The following MAP2 variants were observed in gnomAD, a reference collection of about 807,000 sequenced individuals.
MAP2 encodes the protein microtubule associated protein 2.
In MAP2, 14 loss-of-function variants were observed where a neutral mutation model predicts 137.6. The observed-to-expected ratio is 0.10, with a 90% CI of 0.07 to 0.16. MAP2 has a LOEUF of 0.16. Among genes scored for constraint, MAP2 ranks in the 10% least tolerant of loss-of-function variants. The pLI, the probability that MAP2 is intolerant of heterozygous loss-of-function variation, is 1.00. For missense variants in MAP2, 2,088 were observed against 2,191.5 expected (o/e 0.95, Z 0.94); for synonymous variants, 786 against 782.3 (o/e 1.00, Z -0.08).
chr2:209,649,090 G>A (rs1045318149), intron 4 of MAP2, among the ~76,000 whole-genome samples: 1 of 152,020 alleles, frequency 6.6e-6, no homozygotes, highest in African/African-American at 2.4e-5. Context: ...GTTGAGTGCT[G>A]TGGCATAATC....
At chr2:209,472,431 C>T (rs1705989512) in intron 1 of MAP2, among the ~76,000 whole-genome samples, 1 of 152,124 alleles carries the variant, frequency 6.6e-6, no homozygotes, top group Non-Finnish European at 1.5e-5. Flanking sequence ...TCATTTCCAC[C>T]AGAGTTCTGA....
intron 2 of MAP2, among the ~76,000 whole-genome samples, chr2:209,562,299 G>A (rs2072301518): frequency 6.6e-6 from 1 of 151,810 alleles, no homozygotes; most frequent in Admixed American, 6.6e-5. Flanking sequence ...ATTTCCTCTG[G>A]GCATCTTGTA....
intron 2 of MAP2, among the ~76,000 whole-genome samples, chr2:209,552,818 G>T (rs568224064): frequency 6.6e-6 from 1 of 151,848 alleles, no homozygotes; most frequent in Non-Finnish European, 1.5e-5. Context: ...CCAAGATCGC[G>T]CCACTGCACT....
At chr2:209,586,200 T>C (rs533743662) in intron 3 of MAP2, among the ~76,000 whole-genome samples, 2 of 152,240 alleles carry the variant, frequency 1.3e-5, no homozygotes, top group South Asian at 4.2e-4. Flanking sequence ...CAGTGCGCTT[T>C]TGCTGCTTAT....
intron 2 of MAP2, among the ~76,000 whole-genome samples, chr2:209,511,577 GA>G (rs1419540098): frequency 2.6e-5 from 4 of 151,890 alleles, no homozygotes; most frequent in Non-Finnish European, 5.9e-5. Context: ...GATTTCCTAT[GA>G]TTTTTTTTGA....
At chr2:209,608,213 A>G (rs964741772) in intron 3 of MAP2, among the ~76,000 whole-genome samples, 14 of 152,210 alleles carry the variant, frequency 9.2e-5, no homozygotes, top group African/African-American at 3.1e-4. Flanking sequence ...AATACTGTCC[A>G]AAACCTGAAA....
At chr2:209,445,983 C>G (rs1454815227) in intron 1 of MAP2, among the ~76,000 whole-genome samples, 1 of 151,586 alleles carries the variant, frequency 6.6e-6, no homozygotes, top group Middle Eastern at 3.2e-3. Context: ...AATGATCCAT[C>G]ACAAGATTTA....
chr2:209,480,623 G>C (rs888578489), intron 1 of MAP2, among the ~76,000 whole-genome samples: 1 of 152,140 alleles, frequency 6.6e-6, no homozygotes, highest in African/African-American at 2.4e-5. Flanking sequence ...ACATGATGCT[G>C]CTTTATGTAT....
intron 1 of MAP2, among the ~76,000 whole-genome samples, chr2:209,447,325 A>G (rs537808338): frequency 2.2e-4 from 34 of 152,082 alleles, no homozygotes; most frequent in South Asian, 2.1e-3. Flanking sequence ...ACCAAATATT[A>G]TCCTACCTTG....
chr2:209,512,185 G>A (rs577785759), intron 2 of MAP2, among the ~76,000 whole-genome samples: 1 of 152,086 alleles, frequency 6.6e-6, no homozygotes, highest in African/African-American at 2.4e-5. Flanking sequence ...GTAACTTTTA[G>A]TCCACTTTTA....
chr2:209,710,300 C>A, intron 13 of MAP2, 46 bp downstream of exon 13: 2 of 1,430,532 alleles, frequency 1.4e-6, no homozygotes, highest in African/African-American at 1.4e-5. Flanking sequence ...ATAATTATTA[C>A]ATTGCCTTCT....
chr2:209,584,290 C>G (rs1486821606), intron 3 of MAP2, among the ~76,000 whole-genome samples: 3 of 151,934 alleles, frequency 2.0e-5, no homozygotes, highest in Non-Finnish European at 2.9e-5. Flanking sequence ...AAGGGGGAGA[C>G]AACGTATGGA....
At chr2:209,631,212 G>T (rs939847253) in intron 4 of MAP2, among the ~76,000 whole-genome samples, 2 of 151,948 alleles carry the variant, frequency 1.3e-5, no homozygotes, top group African/African-American at 4.8e-5. Context: ...TGTCTGTCCT[G>T]TCCCTTTGAT....
chr2:209,697,912 G>A (rs761230505), intron 10 of MAP2, among the ~76,000 whole-genome samples: 1 of 151,934 alleles, frequency 6.6e-6, no homozygotes, highest in Non-Finnish European at 1.5e-5. Context: ...GCAGTGGCAC[G>A]ACCTCGGCTC....
intron 5 of MAP2, among the ~76,000 whole-genome samples, chr2:209,660,016 C>A (rs928701944): frequency 1.3e-5 from 2 of 151,736 alleles, no homozygotes; most frequent in African/African-American, 4.8e-5. Context: ...CCAGCCTGGG[C>A]GACAGAGCGA....
chr2:209,579,622 C>CT (rs2075948826), intron 2 of MAP2: 1 of 152,242 alleles, frequency 6.6e-6, no homozygotes, highest in Non-Finnish European at 1.5e-5. Context: ...CAGACACGAG[C>CT]TGGTGGCTTG....
chr2:209,589,517 C>A (rs577586740), intron 3 of MAP2, among the ~76,000 whole-genome samples: 1 of 152,140 alleles, frequency 6.6e-6, no homozygotes, highest in East Asian at 1.9e-4. Flanking sequence ...GCGACCTCTA[C>A]TAAGTGGATT....
chr2:209,645,467 CT>C (rs2153588321), intron 4 of MAP2, among the ~76,000 whole-genome samples: 1 of 150,742 alleles, frequency 6.6e-6, no homozygotes, highest in East Asian at 2.0e-4. Context: ...AAAAAAAAAA[CT>C]AAGTAATTTA....
chr2:209,710,183 C>T lies in MAP2; in HGVS notation c.5002C>T (p.Pro1668Ser). 1 of 1,612,746 alleles carries T rather than the reference C, an allele frequency of 6.2e-7. No individual in the cohort carries two copies. The highest frequency in any genetic ancestry group is 8.5e-7 in the Non-Finnish European group (1 of 1,179,246). ...KQLRLINQPL[P>S]DLKNVKSKIG... ...GCTTCGGCTTATTAACCAACCACTG[C>T]CAGACCTGAAGAATGTCAAATCCAA... The change falls in exon 13 of 16, where the codon CCA (proline) becomes TCA (serine). Residue 1668 changes from proline to serine, a missense_variant. Physicochemically the swap from Pro to Ser is moderately conservative, Grantham distance 74 (BLOSUM62 -1). Coordinates refer to ENST00000682079, the MANE Select transcript of MAP2 (RefSeq NM_001375505.1).
Sources: allele counts gnomAD v4.1 joint callset (sites outside exome capture counted in the v4.1 genomes callset), GRCh38; gene constraint gnomAD v4.1.1; transcripts MANE v1.5; gene names NCBI Gene and HGNC (gene_info 2026-07-23, HGNC 2026-07-21).